Variants in MYO15A observed in about 807,000 individuals in gnomAD.
MYO15A encodes the protein myosin XVA.
Under a neutral mutation model 394.6 loss-of-function variants are expected in MYO15A, and 308 were observed. The ratio of observed to expected loss-of-function variants is 0.78; its 90% CI spans 0.71 to 0.86. MYO15A has a LOEUF of 0.86. Ranked by LOEUF, MYO15A falls within the 40% of genes least tolerant of loss-of-function variation. The pLI is 0.00. For synonymous variants in MYO15A, 1,957 were observed against 2,003.8 expected (o/e 0.98, Z 0.62); for missense variants, 4,606 against 4,799.1 (o/e 0.96, Z 1.19).
At chr17:18,172,710 T>C in intron 64 of MYO15A, 1 of 342,202 alleles carries the variant, frequency 2.9e-6, no homozygotes, top group South Asian at 2.3e-5. Context: ...TGTCCTCACA[T>C]GGCCTTTCCT....
Position 18,119,520 on chromosome 17 carries a change from C to A in MYO15A, c.720C>A (p.Arg240=). The change falls in exon 2 of 66, where the codon CGC becomes CGA. Residue 240 remains arginine (R), a synonymous_variant. Transcript: ENST00000647165. ...QDLGEYYDYH[R]DGDDYYDRQS... ...TGGGCGAGTATTATGACTATCACCG[C>A]GACGGCGACGACTACTACGACCGGC... 1 of 1,610,704 alleles carries A rather than the reference C, an allele frequency of 6.2e-7. No homozygotes were observed. Among genetic ancestry groups the A allele is most frequent in the Non-Finnish European group, 8.5e-7 (1 of 1,179,960 alleles).
rs528185915 is a variant in MYO15A, at chr17:18,179,193, A to G, written c.*323A>G. 13 of 447,082 alleles carry G rather than the reference A, an allele frequency of 2.9e-5. No homozygotes were observed. Among genetic ancestry groups the G allele is most frequent in the Non-Finnish European group, 3.8e-5 (9 of 239,474 alleles). 27.7% of individuals were successfully genotyped at this position (447,082 alleles called of 1,614,324 possible). On this transcript the variant is annotated 3_prime_UTR_variant, in exon 66 of 66. Coordinates refer to ENST00000647165, the MANE Select transcript of MYO15A (RefSeq NM_016239.4). ...CAGACCCTGCCCCTAACTCCTGCCT[A>G]TGACACAGAAGCCCCACACCAGTTG... is the stretch of plus-strand genomic sequence containing the variant.
intron 23 of MYO15A, 55 bp downstream of exon 23, chr17:18,141,825 AACT>A: frequency 6.4e-7 from 1 of 1,554,036 alleles, no homozygotes. Context: ...GGGGGTCCAC[AACT>A]ACTGAGTCAG....
intron 52 of MYO15A, 98 bp downstream of exon 52, chr17:18,158,736 T>C (rs2046727420): frequency 2.0e-6 from 3 of 1,476,844 alleles, no homozygotes; most frequent in Non-Finnish European, 2.8e-6. Flanking sequence ...GCCCCACTTC[T>C]GGTGGGAGAG....
At chr17:18,160,684 G>C (rs1018389183) in intron 56 of MYO15A, 4 of 204,556 alleles carry the variant, frequency 2.0e-5, no homozygotes, top group African/African-American at 9.3e-5. Flanking sequence ...CAGGGATCCA[G>C]AGCGGGGTGG....
At chr17:18,142,013 G>A (rs868386175) in intron 23 of MYO15A, 66 bp from the exon 24 acceptor site, 1 of 1,584,566 alleles carries the variant, frequency 6.3e-7, no homozygotes, top group Non-Finnish European at 8.6e-7. Context: ...GACTTCTAGA[G>A]AGGGAGGGGC....
chr17:18,121,195 C>A lies in MYO15A; in HGVS notation c.2395C>A (p.Leu799Met). 2 of 1,508,420 alleles carry A rather than the reference C, an allele frequency of 1.3e-6. No homozygotes were observed. The highest frequency in any genetic ancestry group is 2.7e-5 in the East Asian group (1 of 36,708). The allele number at this position is 1,508,420 out of a possible 1,614,324, so 93.4% of individuals were successfully genotyped here. A position where few individuals can be genotyped will look rare whatever the true frequency, so the allele number is the denominator to read the frequency against. ...ACCCTTGGCGCCCCCGTCGCCTCAG[C>A]TGTCCTTGCGCACGGGCCCCTTCCA... ...CSPLAPPSPQ[L>M]SLRTGPFQPP... The change falls in exon 2 of 66, where the codon CTG becomes ATG. Residue 799 changes from leucine (L) to methionine (M), a missense_variant. By Grantham distance (15) the Leu-to-Met change is conservative. This residue lies in a region of MYO15A where 1,830 missense variants were observed against 1,689.7 expected (regional missense o/e 1.08). Coordinates refer to ENST00000647165, the MANE Select transcript of MYO15A (RefSeq NM_016239.4). The surrounding 1 kb of genome is among the most constrained non-coding windows in gnomAD (Gnocchi z 5.3).
In MYO15A at chr17:18,120,761, T is replaced by A; in HGVS notation, c.1961T>A (p.Leu654His). The change falls in exon 2 of 66, where the codon CTC becomes CAC. Residue 654 changes from leucine (L) to histidine (H), a missense_variant. Leu to His is a moderately conservative substitution (Grantham distance 99). Around this residue, in one of 2 missense-constraint regions of MYO15A, gnomAD observed 1,830 missense variants for 1,689.7 expected, o/e 1.08. Transcript: ENST00000647165. The part of the protein sequence containing the change: ...PPAPQPAPRT[L>H]SHWSALLSPP... ...GCGCCACAGCCCGCGCCCAGGACCC[T>A]CTCCCACTGGAGCGCGCTCCTGTCT... 2 of 1,444,594 alleles carry A rather than the reference T, an allele frequency of 1.4e-6. No individual in the cohort carries two copies. Among genetic ancestry groups the A allele is most frequent in the Non-Finnish European group, 1.8e-6 (2 of 1,109,350 alleles). 89.5% of individuals were successfully genotyped at this position (1,444,594 alleles called of 1,614,324 possible).
At chr17:18,126,753 T>G (rs2046050933) in intron 5 of MYO15A, 38 bp from the exon 6 acceptor site, 1 of 1,609,378 alleles carries the variant, frequency 6.2e-7, no homozygotes, top group Admixed American at 1.7e-5. Flanking sequence ...TGTGGGAGCT[T>G]AGAGGCAGGG....
chr17:18,178,958 C>A lies in MYO15A; in HGVS notation c.*88C>A. On this transcript the variant is annotated 3_prime_UTR_variant, in exon 66 of 66. Coordinates refer to ENST00000647165, the MANE Select transcript of MYO15A (RefSeq NM_016239.4). ...ACTGAACCTCTCAGGATCAATGACC[C>A]CTGTAAGGGGCCAGAGCCTTGGAGG... The A allele has an allele frequency of 1.5e-6, 2 of 1,342,340 alleles. No individual in the cohort carries two copies. The highest frequency in any genetic ancestry group is 1.2e-5 in the South Asian group (1 of 82,502). 83.2% of individuals were successfully genotyped at this position (1,342,340 alleles called of 1,614,324 possible).
At chr17:18,125,115 C>A in intron 3 of MYO15A, 53 bp from the exon 4 acceptor site, 2 of 1,563,870 alleles carry the variant, frequency 1.3e-6, no homozygotes, top group Non-Finnish European at 1.8e-6. Context: ...GAGGGAGACC[C>A]ATGCCAGAAC....
At chr17:18,144,455 C>A in intron 28 of MYO15A, 42 bp from the exon 29 acceptor site, 1 of 1,463,998 alleles carries the variant, frequency 6.8e-7, no homozygotes, top group South Asian at 1.1e-5. Context: ...ATGTGCCTGT[C>A]AGTCCAGCTC....
At chr17:18,137,440 G>T in intron 15 of MYO15A, 144 bp from the exon 16 acceptor site, 1 of 715,398 alleles carries the variant, frequency 1.4e-6, no homozygotes, top group Non-Finnish European at 2.5e-6. Flanking sequence ...ATTCTGTCCT[G>T]GGTGCAGCAG....
chr17:18,168,804 T>C (rs1316321553), intron 62 of MYO15A, among the ~76,000 whole-genome samples: 1 of 151,890 alleles, frequency 6.6e-6, no homozygotes, highest in Non-Finnish European at 1.5e-5. Context: ...TTTTACACTC[T>C]TGAAAAGAGG....
Position 18,131,585 on chromosome 17 carries a change from C to G in MYO15A, c.4206+54C>G. 5 of 1,599,280 alleles carry G rather than the reference C, an allele frequency of 3.1e-6. 1 individual carries two copies. Among genetic ancestry groups the G allele is most frequent in the Non-Finnish European group, 4.3e-6 (5 of 1,168,052 alleles). ...TTGGGCAGGGTCGGGGTGGGAGGTA[C>G]AGATACTCAGAGCCTGGCCCCTGGT... On this transcript the variant is annotated intron_variant, in intron 10 of 65. Transcript: ENST00000647165.
At position 18,161,387 on chromosome 17, in the gene MYO15A, C is replaced by T. The variant is rs2046774270; in HGVS notation, c.9457C>T (p.His3153Tyr). The T allele has an allele frequency of 6.2e-7, 1 of 1,614,122 alleles. No individual in the cohort carries two copies. The change falls in exon 57 of 66, where the codon CAC becomes TAC. Residue 3153 changes from histidine (H) to tyrosine (Y), a missense_variant. Physicochemically the swap from His to Tyr is moderately conservative, Grantham distance 83. Around this residue, in one of 2 missense-constraint regions of MYO15A, gnomAD observed 2,776 missense variants for 3,109.3 expected, o/e 0.89. Coordinates refer to ENST00000647165, the MANE Select transcript of MYO15A (RefSeq NM_016239.4). ...TAYHSCSEVL[H>Y]PHLTRFLQDV... ...CTACCACAGCTGCTCTGAGGTCCTCCACCCACACCTCACTCGCTTCCTCCA... is the reference window on the plus strand; with the variant it reads ...CTACCACAGCTGCTCTGAGGTCCTCTACCCACACCTCACTCGCTTCCTCCA...
chr17:18,109,442 CTG>C (rs1351707751), intron 1 of MYO15A: 6 of 168,258 alleles, frequency 3.6e-5, no homozygotes, highest in Admixed American at 3.4e-4. Flanking sequence ...CTTTCTGGAT[CTG>C]TGGTCAGGAT....
At position 18,118,694 on chromosome 17, in the gene MYO15A, G is replaced by C; in HGVS notation, c.-107G>C. 1 of 1,561,688 alleles carries C rather than the reference G, an allele frequency of 6.4e-7. No individual in the cohort carries two copies. The highest frequency in any genetic ancestry group is 8.7e-7 in the Non-Finnish European group (1 of 1,150,324). ...CAGTCGGGTCTGCTCACAGCCCGAGGAGGCCGCGTGTCCAGCCGCGGGCAA... is the reference window on the plus strand; with the variant it reads ...CAGTCGGGTCTGCTCACAGCCCGAGCAGGCCGCGTGTCCAGCCGCGGGCAA... On this transcript the variant is annotated 5_prime_UTR_variant, in exon 2 of 66. Coordinates refer to ENST00000647165, the MANE Select transcript of MYO15A (RefSeq NM_016239.4).
chr17:18,176,056 T>A (rs1311839980), intron 65 of MYO15A, among the ~76,000 whole-genome samples: 18 of 152,192 alleles, frequency 1.2e-4, no homozygotes, highest in Non-Finnish European at 1.8e-4. Context: ...TCTAGAAGCT[T>A]TCCCTAACCT....
Sources: gnomAD v4.1 joint callset for allele counts (sites outside exome capture counted in the v4.1 genomes callset) on GRCh38, gnomAD v4.1.1 for gene constraint, gnomAD v4.1.1 regional missense constraint, Gnocchi (gnomAD v3.1) non-coding constraint, MANE v1.5 for transcripts, NCBI Gene and HGNC (gene_info 2026-07-23, HGNC 2026-07-21) for gene names.